The following ABCB1 variants were observed in gnomAD, a reference collection of about 807,000 sequenced individuals.
ABCB1 encodes ATP-dependent translocase ABCB1.
ABCB1 carries 69 observed loss-of-function variants against 142.0 expected under a neutral mutation model. The ratio of observed to expected loss-of-function variants is 0.49; its 90% CI spans 0.40 to 0.59. The LOEUF is 0.59. Ranked by LOEUF, ABCB1 falls within the 20% of genes least tolerant of loss-of-function variation. The probability of loss-of-function intolerance (pLI) is 0.00; values close to 1 mark genes in which losing one functional copy is unlikely to be tolerated. For synonymous variants in ABCB1, 532 were observed against 539.2 expected (o/e 0.99, Z 0.18); for missense variants, 1,326 against 1,554.7 (o/e 0.85, Z 2.47).
At chr7:87,637,937 G>A (rs1821965587) in intron 1 of ABCB1, among the ~76,000 whole-genome samples, 1 of 151,664 alleles carries the variant, frequency 6.6e-6, no homozygotes, top group African/African-American at 2.4e-5. Flanking sequence ...ATGCAGTGTT[G>A]CAGAAAACGT....
At chr7:87,550,418 A>C (rs1294671645) in intron 11 of ABCB1, 50 bp downstream of exon 11, 10 of 1,604,158 alleles carry the variant, frequency 6.2e-6, no homozygotes, top group Admixed American at 5.0e-5. Context: ...AAAACATCAG[A>C]AACTCTTCAT....
intron 1 of ABCB1, chr7:87,627,970 G>A (rs1341420944): frequency 2.0e-5 from 3 of 152,306 alleles, no homozygotes; most frequent in Non-Finnish European, 2.9e-5. Flanking sequence ...ATTAGCCCCT[G>A]GGAGGGCGTC....
chr7:87,512,366 G>C (rs1815053685), intron 25 of ABCB1, among the ~76,000 whole-genome samples: 1 of 151,912 alleles, frequency 6.6e-6, no homozygotes, highest in Non-Finnish European at 1.5e-5. Context: ...ATGATGGTTG[G>C]CATCAGAATC....
Position 87,566,072 on chromosome 7 carries a change from T to G in ABCB1, c.700A>C (p.Lys234Gln). 1.2e-6 allele frequency: 2 copies of G among 1,614,164 alleles called. No homozygotes were observed. Among genetic ancestry groups the G allele is most frequent in the Non-Finnish European group, 1.7e-6 (2 of 1,180,014 alleles). ...VLGLSAAVWAKILSSFTDKEL... is the reference protein window; with the variant it reads ...VLGLSAAVWAQILSSFTDKEL... ...CTGGATTCACAGGCTTCACCTACCTTTGCCCAGACAGCAGCTGACAGTCCA... is the reference window on the plus strand; with the variant it reads ...CTGGATTCACAGGCTTCACCTACCTGTGCCCAGACAGCAGCTGACAGTCCA... The change falls in exon 7 of 28, where the codon AAG becomes CAG. Residue 234 changes from lysine (K) to glutamine (Q), a missense_variant and splice_region_variant. By Grantham distance (53) the Lys-to-Gln change is moderately conservative (BLOSUM62 1). Coordinates refer to ENST00000622132, the MANE Select transcript of ABCB1 (RefSeq NM_001348946.2).
rs537226360 is a variant in ABCB1, at chr7:87,691,762, T to G, written c.-331+21399A>C. 6.0e-4 allele frequency among the ~76,000 whole-genome samples: 92 copies of G among 152,342 alleles called. 1 individual carries two copies. The highest frequency in any genetic ancestry group is 2.2e-3 in the African/African-American group (91 of 41,570). ...TTTCTGGGGTTGTCAGTGAGAACTCTAACCAACCAGGAAATACAACTGACT... is the reference window on the plus strand; with the variant it reads ...TTTCTGGGGTTGTCAGTGAGAACTCGAACCAACCAGGAAATACAACTGACT... On this transcript the variant is annotated intron_variant, in intron 1 of 28. Coordinates refer to the ABCB1 transcript ENST00000265724.
intron 14 of ABCB1, among the ~76,000 whole-genome samples, chr7:87,548,954 G>A (rs1816924888): frequency 6.6e-6 from 1 of 152,060 alleles, no homozygotes; most frequent in South Asian, 2.1e-4. Context: ...TGGACCTTCA[G>A]GTTGTATTTT....
At chr7:87,536,413 A>T (rs1816295279) in intron 20 of ABCB1, 45 bp downstream of exon 20, 1 of 1,592,844 alleles carries the variant, frequency 6.3e-7, no homozygotes, top group Non-Finnish European at 8.6e-7. Context: ...GCTGGGGTCC[A>T]AAATGGCCAA....
chr7:87,676,703 CAAAAAAAAAAAA>C (rs57480483), intron 1 of ABCB1, among the ~76,000 whole-genome samples: 2 of 45,432 alleles, frequency 4.4e-5, no homozygotes, highest in Non-Finnish European at 8.8e-5. Context: ...GACCCTGTCT[CAAAAAAAAAAAA>C]AAAAAAAAAA....
intron 1 of ABCB1, among the ~76,000 whole-genome samples, chr7:87,684,370 A>G (rs77681723): frequency 0.026 from 3,937 of 152,304 alleles, 168 homozygotes; most frequent in African/African-American, 0.089. Context: ...TGGAATAGGC[A>G]AAACAATTTC....
intron 1 of ABCB1, among the ~76,000 whole-genome samples, chr7:87,677,325 ATTT>A (rs1826473649): frequency 6.8e-6 from 1 of 147,662 alleles, no homozygotes; most frequent in African/African-American, 2.6e-5. Flanking sequence ...ATGGAATACC[ATTT>A]CAGATTTAAA....
chr7:87,508,110 T>G (rs1410561152), intron 26 of ABCB1, among the ~76,000 whole-genome samples: 1 of 152,172 alleles, frequency 6.6e-6, no homozygotes, highest in East Asian at 1.9e-4. Flanking sequence ...ATAATAAACC[T>G]GTACATGTAC....
chr7:87,596,448 T>C (rs1819209735), intron 2 of ABCB1, among the ~76,000 whole-genome samples: 1 of 152,064 alleles, frequency 6.6e-6, no homozygotes, highest in Non-Finnish European at 1.5e-5. Context: ...GAAATGATGT[T>C]CTATAAATTG....
chr7:87,603,555 A>T (rs1000933327), upstream of ABCB1, among the ~76,000 whole-genome samples: 1 of 152,238 alleles, frequency 6.6e-6, no homozygotes, highest in Admixed American at 6.5e-5. Flanking sequence ...TTTAAGAACC[A>T]CAACACATCA....
At chr7:87,581,141 G>C (rs1028497120) in intron 4 of ABCB1, among the ~76,000 whole-genome samples, 3 of 151,958 alleles carry the variant, frequency 2.0e-5, no homozygotes, top group East Asian at 1.9e-4. Flanking sequence ...AGTTTTATTA[G>C]AGACAAACTC....
At chr7:87,549,233 G>T in intron 14 of ABCB1, 115 bp downstream of exon 14, 1 of 1,186,742 alleles carries the variant, frequency 8.4e-7, no homozygotes, top group Non-Finnish European at 1.2e-6. Flanking sequence ...ATAGCTGAAG[G>T]AATCACCTAG....
chr7:87,511,895 G>A (rs1815028896), intron 25 of ABCB1, among the ~76,000 whole-genome samples: 1 of 152,144 alleles, frequency 6.6e-6, no homozygotes. Context: ...GACTGGAAAG[G>A]GGAGAAAGGA....
chr7:87,504,800 A>G (rs545443679), intron 27 of ABCB1, among the ~76,000 whole-genome samples: 70 of 141,392 alleles, frequency 5.0e-4, no homozygotes, highest in East Asian at 2.0e-3. Flanking sequence ...GCGAGACTCC[A>G]TCTCAAAGAA....
At position 87,626,342 on chromosome 7, in the gene ABCB1, GTGTCATATATATGTGTCATATA is replaced by G. The variant is rs1820530726; in HGVS notation, c.-330-25286_-330-25265del. On this transcript the variant is annotated intron_variant, in intron 1 of 28. Transcript: ENST00000265724. ...TGTGTCATATATATGTGTCGTATAT[GTGTCATATATATGTGTCATATA>G]TATGTGTCATATGTATGTGTCATAT... Among the ~76,000 whole-genome samples the G allele has an allele frequency of 2.7e-4, 8 of 29,960 alleles. 3 individuals carry two copies. The highest frequency in any genetic ancestry group is 1.0e-3 in the African/African-American group (4 of 4,008). The allele number at this position is 29,960 out of a possible 152,430, so 19.7% of individuals were successfully genotyped here. A position where few individuals can be genotyped will look rare whatever the true frequency, so the allele number is the denominator to read the frequency against.
Position 87,651,947 on chromosome 7 carries a change from G to GT in ABCB1, c.-330-50870dup, listed in dbSNP as rs200326030. On this transcript the variant is annotated intron_variant, in intron 1 of 28. Coordinates refer to the ABCB1 transcript ENST00000265724. ...TTTGGTTGTTTTGCATTTTAAAAGG[G>GT]TTTTTTTTGTCCTTTTTGCTGTTCT... Among the ~76,000 whole-genome samples the GT allele has an allele frequency of 9.9e-4, 150 of 151,426 alleles. 1 individual carries two copies. The highest frequency in any genetic ancestry group is 1.3e-3 in the Non-Finnish European group (91 of 67,762).
Sources: gnomAD v4.1 joint callset for allele counts (sites outside exome capture counted in the v4.1 genomes callset) on GRCh38, gnomAD v4.1.1 for gene constraint, MANE v1.5 for transcripts, NCBI Gene and HGNC (gene_info 2026-07-23, HGNC 2026-07-21) for gene names.